The following PDS5B variants were observed in gnomAD, a reference collection of about 807,000 sequenced individuals.
PDS5B encodes sister chromatid cohesion protein PDS5 homolog B.
PDS5B carries 51 observed loss-of-function variants against 184.1 expected under a neutral mutation model. The ratio of observed to expected loss-of-function variants is 0.28; its 90% CI spans 0.22 to 0.35. PDS5B has a LOEUF of 0.35. Ranked by LOEUF, PDS5B falls within the 10% of genes least tolerant of loss-of-function variation. The probability of loss-of-function intolerance (pLI) is 1.00; values close to 1 mark genes in which losing one functional copy is unlikely to be tolerated. For synonymous variants in PDS5B, 566 were observed against 569.2 expected, an observed-to-expected ratio of 0.99 and a Z score of 0.08; for missense variants, 1,180 against 1,723.3, an observed-to-expected ratio of 0.68 and a Z score of 5.58.
chr13:32,694,330 G>GT, intron 14 of PDS5B, 26 bp downstream of exon 14: 2 of 1,412,700 alleles, frequency 1.4e-6, no homozygotes, highest in Non-Finnish European at 2.0e-6. Flanking sequence ...TTCCTTCAAT[G>GT]TTTTTTAAAA....
At chr13:32,701,085 C>T (rs1226894638) in intron 16 of PDS5B, 1 of 275,982 alleles carries the variant, frequency 3.6e-6, no homozygotes, top group East Asian at 6.4e-5. Flanking sequence ...AAATGTCTAT[C>T]CAGTAATTTC....
chr13:32,748,639 CT>C (rs553607739), intron 24 of PDS5B, among the ~76,000 whole-genome samples: 10 of 152,062 alleles, frequency 6.6e-5, no homozygotes, highest in Admixed American at 6.5e-4. Flanking sequence ...AAATTTTATA[CT>C]TTTATGTTCT....
intron 1 of PDS5B, among the ~76,000 whole-genome samples, chr13:32,587,094 C>G (rs1422535509): frequency 1.4e-5 from 2 of 148,116 alleles, no homozygotes; most frequent in East Asian, 4.0e-4. Context: ...CTGTTGAATC[C>G]TCCCGCGGGC....
At chr13:32,648,390 C>CA (rs1244257048) in intron 1 of PDS5B, among the ~76,000 whole-genome samples, 1 of 152,134 alleles carries the variant, frequency 6.6e-6, no homozygotes, top group Non-Finnish European at 1.5e-5. Context: ...CCCAGTGTTC[C>CA]CACTTACTTC....
chr13:32,661,407 A>AAAC (rs1950642945), intron 6 of PDS5B, among the ~76,000 whole-genome samples: 2 of 149,616 alleles, frequency 1.3e-5, no homozygotes, highest in Non-Finnish European at 3.0e-5. Flanking sequence ...AAAAAAAAAA[A>AAAC]AAACAGAAAA....
intron 1 of PDS5B, among the ~76,000 whole-genome samples, chr13:32,619,390 A>G (rs1330139921): frequency 1.3e-5 from 2 of 152,188 alleles, no homozygotes; most frequent in Non-Finnish European, 2.9e-5. Context: ...TCTGAATATC[A>G]TAGGCAATTG....
intron 1 of PDS5B, among the ~76,000 whole-genome samples, chr13:32,588,146 T>C (rs1009049336): frequency 6.6e-6 from 1 of 152,206 alleles, no homozygotes; most frequent in Non-Finnish European, 1.5e-5. Flanking sequence ...TCTGAGATGT[T>C]CGCATCTTTA....
intron 1 of PDS5B, among the ~76,000 whole-genome samples, chr13:32,606,355 G>A (rs897994800): frequency 6.6e-6 from 1 of 152,124 alleles, no homozygotes; most frequent in Non-Finnish European, 1.5e-5. Flanking sequence ...TGAAATTCTG[G>A]GTTGAAAATT....
chr13:32,714,154 A>G (rs1952295043), intron 19 of PDS5B, among the ~76,000 whole-genome samples: 1 of 152,238 alleles, frequency 6.6e-6, no homozygotes, highest in Non-Finnish European at 1.5e-5. Context: ...GTAATAGAAT[A>G]TCACAAGGCA....
intron 1 of PDS5B, among the ~76,000 whole-genome samples, chr13:32,600,913 C>T (rs774122289): frequency 2.0e-5 from 3 of 152,150 alleles, no homozygotes; most frequent in Non-Finnish European, 4.4e-5. Flanking sequence ...ATATGAAGTT[C>T]GGGGATCAGC....
intron 19 of PDS5B, among the ~76,000 whole-genome samples, chr13:32,713,236 T>C (rs1348670201): frequency 2.0e-5 from 3 of 152,346 alleles, no homozygotes; most frequent in East Asian, 1.9e-4. Flanking sequence ...GCTTTGATGT[T>C]AATTTTTTAA....
intron 7 of PDS5B, among the ~76,000 whole-genome samples, chr13:32,671,010 AAATG>A (rs1165840277): frequency 1.3e-5 from 2 of 152,254 alleles, no homozygotes; most frequent in African/African-American, 4.8e-5. Context: ...ACGCTTTTGT[AAATG>A]AAAGAATTTT....
rs544859169 is a variant in PDS5B at position 32,742,844 on chromosome 13, T to C, written c.2612+117T>C. On this transcript the variant is annotated intron_variant, in intron 23 of 34. Transcript: ENST00000315596. ...TTTTAAATTAGAATTGCTTTGTACA[T>C]GTGCATATATTTTTACTGGAATATG... 7.8e-6 allele frequency: 7 copies of C among 900,574 alleles called. 1 individual carries two copies. In the South Asian group the frequency reaches 1.1e-4, roughly 14 times the overall value. 55.8% of individuals were successfully genotyped at this position (900,574 alleles called of 1,614,324 possible). A position where few individuals can be genotyped will look rare whatever the true frequency, so the allele number is the denominator to read the frequency against.
rs1954059647 is a variant in PDS5B at position 32,753,484 on chromosome 13, G to T, written c.2889G>T (p.Val963=). The stretch of plus-strand genomic sequence containing the variant: ...GAGCTCATGCTAGGCAATGTTTGGT[G>T]AAAAATATAAATGTAAGGCGGGAGT... ...ERRAHARQCL[V]KNINVRREYL... Residue 963 remains valine, a synonymous_variant, in exon 25 of 35, where the codon GTG becomes GTT. Transcript: ENST00000315596. 1 of 1,613,814 alleles carries T rather than the reference G, an allele frequency of 6.2e-7. No homozygotes were observed. Among genetic ancestry groups the T allele is most frequent in the East Asian group, 2.2e-5 (1 of 44,862 alleles).
chr13:32,606,380 T>C (rs1251423491), intron 1 of PDS5B, among the ~76,000 whole-genome samples: 1 of 152,234 alleles, frequency 6.6e-6, no homozygotes, highest in Non-Finnish European at 1.5e-5. Flanking sequence ...TCTTTAAGAA[T>C]GTTGAATATT....
intron 1 of PDS5B, among the ~76,000 whole-genome samples, chr13:32,630,038 A>G (rs150789676): frequency 7.5e-4 from 115 of 152,346 alleles, no homozygotes; most frequent in African/African-American, 2.6e-3. Context: ...GGCCAAGACA[A>G]GTATAGCTCA....
intron 1 of PDS5B, among the ~76,000 whole-genome samples, chr13:32,588,552 T>G (rs991795755): frequency 7.9e-5 from 12 of 152,218 alleles, no homozygotes; most frequent in African/African-American, 2.7e-4. Context: ...TTGGCCTTTT[T>G]TCTTTTTTTC....
chr13:32,615,356 A>G (rs2058202574), intron 1 of PDS5B, among the ~76,000 whole-genome samples: 1 of 152,178 alleles, frequency 6.6e-6, no homozygotes, highest in Non-Finnish European at 1.5e-5. Context: ...ATCAATTGCA[A>G]AATTATATTA....
intron 1 of PDS5B, among the ~76,000 whole-genome samples, chr13:32,634,179 A>G (rs900288894): frequency 2.0e-5 from 3 of 152,194 alleles, no homozygotes; most frequent in Non-Finnish European, 4.4e-5. Context: ...TCTCTAAAAT[A>G]CAAATCTCAT....
Sources: allele counts gnomAD v4.1 joint callset (sites outside exome capture counted in the v4.1 genomes callset), GRCh38; gene constraint gnomAD v4.1.1; transcripts MANE v1.5; gene names NCBI Gene and HGNC (gene_info 2026-07-23, HGNC 2026-07-21).